B3GNT2: variants seen among roughly 807,000 people sequenced by gnomAD.
B3GNT2 encodes the protein N-acetyllactosaminide beta-1,3-N-acetylglucosaminyltransferase 2.
In B3GNT2, 12 loss-of-function variants were observed where a neutral mutation model predicts 27.6. That is an observed-to-expected ratio of 0.44 (90% CI 0.28 to 0.71). B3GNT2 has a LOEUF of 0.71. Among genes scored for constraint, B3GNT2 ranks in the 30% least tolerant of loss-of-function variants. B3GNT2 has a pLI of 0.17. For synonymous variants in B3GNT2, 192 were observed against 189.7 expected (o/e 1.01, Z -0.10); for missense variants, 413 against 488.5 (o/e 0.85, Z 1.46).
rs1424306358 is a variant in B3GNT2, at chr2:62,222,374, T to A, written c.154T>A (p.Ser52Thr). Residue 52 changes from serine to threonine, a missense_variant, in exon 2 of 2, where the codon TCT becomes ACT. By Grantham distance (58) the Ser-to-Thr change is moderately conservative. Transcript: ENST00000301998. The surrounding 1 kb of genome is among the most constrained non-coding windows in gnomAD (Gnocchi z 4.2). Reference sequence around the variant, plus strand: ...ACCCAAAGAGAAGTTCTGGAAGATATCTACCCCTCCCGAGGCATACTGGAA... The same window carrying A: ...ACCCAAAGAGAAGTTCTGGAAGATAACTACCCCTCCCGAGGCATACTGGAA... Reference protein sequence around the residue: ...IIPKEKFWKISTPPEAYWNRE... With the variant: ...IIPKEKFWKITTPPEAYWNRE... The A allele has an allele frequency of 1.9e-6, 3 of 1,613,974 alleles. No individual in the cohort carries two copies. In the East Asian group the frequency reaches 6.7e-5, roughly 36 times the overall value.
intron 1 of B3GNT2, among the ~76,000 whole-genome samples, chr2:62,202,243 T>C (rs1218614780): frequency 1.3e-5 from 2 of 152,152 alleles, no homozygotes; most frequent in Non-Finnish European, 2.9e-5. Flanking sequence ...GTAAGCCAAT[T>C]ATGTGTTGGA....
rs1217642451 is a variant in B3GNT2, at chr2:62,223,295, G to A, written c.1075G>A (p.Glu359Lys). 8 of 1,614,114 alleles carry A rather than the reference G, an allele frequency of 5.0e-6. No homozygotes were observed. Among genetic ancestry groups the A allele is most frequent in the South Asian group, 2.2e-5 (2 of 91,078 alleles). ...CAAAGGCTTCAGGACATTTGATATC[G>A]AGGAGAAAAACAAAAATAACATCTG... ...KHKGFRTFDI[E>K]EKNKNNICSY... Residue 359 changes from glutamate to lysine, a missense_variant, in exon 2 of 2, where the codon GAG (glutamate) becomes AAG (lysine). Glu to Lys is a moderately conservative substitution (Grantham distance 56, BLOSUM62 1). Coordinates refer to ENST00000301998, the MANE Select transcript of B3GNT2 (RefSeq NM_006577.6).
At chr2:62,207,400 C>A (rs568002394) in intron 1 of B3GNT2, among the ~76,000 whole-genome samples, 5 of 152,054 alleles carry the variant, frequency 3.3e-5, no homozygotes, top group South Asian at 2.1e-4. Flanking sequence ...GTTAGACTTA[C>A]GGTTCTTGAG....
chr2:62,200,439 C>T (rs1674244747), intron 1 of B3GNT2, among the ~76,000 whole-genome samples: 1 of 152,002 alleles, frequency 6.6e-6, no homozygotes, highest in South Asian at 2.1e-4. Context: ...CGTAGCTTAC[C>T]AGAATGTTTG....
chr2:62,220,081 T>TTTTAGG lies in B3GNT2; in HGVS notation c.-9-2126_-9-2125insGTTTAG, dbSNP rs1674660350. Among the ~76,000 whole-genome samples, 3 of 152,270 alleles carry TTTTAGG rather than the reference T, an allele frequency of 2.0e-5. 1 individual carries two copies. The South Asian group carries it at 6.2e-4, about 32-fold the overall frequency. ...CGGGATTATAAAAACTGTGCTTACA[T>TTTTAGG]TTTAGCAGAATTCAGGCCCCTCTCA... On this transcript the variant is annotated intron_variant, in intron 1 of 1. Transcript: ENST00000301998.
intron 1 of B3GNT2, among the ~76,000 whole-genome samples, chr2:62,202,519 T>C (rs1202073174): frequency 3.3e-5 from 5 of 152,148 alleles, no homozygotes; most frequent in East Asian, 1.9e-4. Context: ...TTAATAGTTA[T>C]GGAGGTAGTG....
At chr2:62,203,902 G>C (rs1047867572) in intron 1 of B3GNT2, among the ~76,000 whole-genome samples, 1 of 152,272 alleles carries the variant, frequency 6.6e-6, no homozygotes, top group African/African-American at 2.4e-5. Context: ...CTGCAGAATC[G>C]CATGAAACCT....
Position 62,222,090 on chromosome 2 carries a change from G to C in B3GNT2, c.-9-122G>C. The C allele has an allele frequency of 1.2e-6, 1 of 866,840 alleles. No individual in the cohort carries two copies. The highest frequency in any genetic ancestry group is 1.7e-6 in the Non-Finnish European group (1 of 571,630). 53.7% of individuals were successfully genotyped at this position (866,840 alleles called of 1,614,324 possible). A position where few individuals can be genotyped will look rare whatever the true frequency, so the allele number is the denominator to read the frequency against. On this transcript the variant is annotated intron_variant, in intron 1 of 1. Coordinates refer to ENST00000301998, the MANE Select transcript of B3GNT2 (RefSeq NM_006577.6). This position sits in a 1 kb window ranked among gnomAD's most constrained non-coding sequence, Gnocchi z 4.2. ...AAGGAAGGGCCAAGATTTGAACCTA[G>C]GCAGTGCAAGTGTAGAGTCTTTGCT...
chr2:62,216,060 G>T (rs949084845), intron 1 of B3GNT2, among the ~76,000 whole-genome samples: 3 of 152,126 alleles, frequency 2.0e-5, no homozygotes, highest in Non-Finnish European at 2.9e-5. Flanking sequence ...AGCCCATGGC[G>T]GGGGAGTCAG....
At chr2:62,216,338 G>C (rs574313526) in intron 1 of B3GNT2, among the ~76,000 whole-genome samples, 1 of 152,110 alleles carries the variant, frequency 6.6e-6, no homozygotes, top group East Asian at 1.9e-4. Context: ...CCAGCTGAAG[G>C]TCATCTCATG....
intron 1 of B3GNT2, chr2:62,221,804 G>A (rs773860385): frequency 1.2e-5 from 6 of 514,744 alleles, no homozygotes; most frequent in South Asian, 7.1e-5. Flanking sequence ...TAGGCAAATC[G>A]GTTTGCCAAG....
chr2:62,208,567 A>G (rs375737844), intron 1 of B3GNT2, among the ~76,000 whole-genome samples: 16 of 152,134 alleles, frequency 1.1e-4, no homozygotes, highest in East Asian at 3.8e-4. Flanking sequence ...GAATTGGTAG[A>G]TGCTTAGGAT....
chr2:62,222,792 A>G lies in B3GNT2; in HGVS notation c.572A>G (p.His191Arg). The change falls in exon 2 of 2, where the codon CAC becomes CGC. Residue 191 changes from histidine (H) to arginine (R), a missense_variant. Coordinates refer to ENST00000301998, the MANE Select transcript of B3GNT2 (RefSeq NM_006577.6). The surrounding 1 kb of genome is among the most constrained non-coding windows in gnomAD (Gnocchi z 4.2). ...GGCCAGACACCCCCAGAGGACAACCACCCCGACCTTTCAGATATGCTGAAA... is the reference window on the plus strand; with the variant it reads ...GGCCAGACACCCCCAGAGGACAACCGCCCCGACCTTTCAGATATGCTGAAA... ...LLGQTPPEDN[H>R]PDLSDMLKFE... is the part of the protein sequence containing the mutation. 1.9e-6 allele frequency: 3 copies of G among 1,614,088 alleles called. No homozygotes were observed. The highest frequency in any genetic ancestry group is 2.5e-6 in the Non-Finnish European group (3 of 1,180,030).
At chr2:62,215,046 T>G (rs933866980) in intron 1 of B3GNT2, among the ~76,000 whole-genome samples, 2 of 152,158 alleles carry the variant, frequency 1.3e-5, no homozygotes, top group Non-Finnish European at 2.9e-5. Flanking sequence ...CTAATTTGAT[T>G]TGAAATGATG....
At position 62,202,105 on chromosome 2, in the gene B3GNT2, G is replaced by C. The variant is rs141834525; in HGVS notation, c.-10+5750G>C. ...TGGTGAAGTGAGCAGTTTGTTCTCC[G>C]ACCAAACACGCATTGATTGAGCACT... is the stretch of plus-strand genomic sequence containing the variant. On this transcript the variant is annotated intron_variant, in intron 1 of 1. Coordinates refer to ENST00000301998, the MANE Select transcript of B3GNT2 (RefSeq NM_006577.6). Among the ~76,000 whole-genome samples, 839 of 152,278 alleles carry C rather than the reference G, an allele frequency of 5.5e-3. 6 individuals carry two copies. Among genetic ancestry groups the C allele is most frequent in the Middle Eastern group, 0.017 (5 of 294 alleles).
At chr2:62,199,801 C>T (rs562114953) in intron 1 of B3GNT2, among the ~76,000 whole-genome samples, 36 of 152,228 alleles carry the variant, frequency 2.4e-4, no homozygotes. Flanking sequence ...GCTGTTCCTA[C>T]GTACTTGCCA....
Position 62,222,582 on chromosome 2 carries a change from T to A in B3GNT2, c.362T>A (p.Leu121Gln), listed in dbSNP as rs199523056. The A allele has an allele frequency of 6.2e-7, 1 of 1,614,206 alleles. No homozygotes were observed. The highest frequency in any genetic ancestry group is 2.2e-5 in the East Asian group (1 of 44,892). The stretch of plus-strand genomic sequence containing the variant: ...CCGGACAGATTTAAAGACTTTCTGC[T>A]GTATTTGAGATGCCGCAATTATTCA... ...NLPDRFKDFL[L>Q]YLRCRNYSLL... The change falls in exon 2 of 2, where the codon CTG (leucine) becomes CAG (glutamine). Residue 121 changes from leucine to glutamine, a missense_variant. By Grantham distance (113) the Leu-to-Gln change is moderately radical. Coordinates refer to ENST00000301998, the MANE Select transcript of B3GNT2 (RefSeq NM_006577.6). The surrounding 1 kb of genome is among the most constrained non-coding windows in gnomAD (Gnocchi z 4.2).
rs1379758844 is a variant in B3GNT2 at position 62,211,488 on chromosome 2, T to G, written c.-9-10724T>G. 3.3e-5 allele frequency among the ~76,000 whole-genome samples: 5 copies of G among 152,204 alleles called. No individual in the cohort carries two copies. The East Asian group carries it at 9.6e-4, about 29-fold the overall frequency. ...AATCTGCTTTAGAGAAATTAAGTCT[T>G]CGGGACAACAAAACCAACTAAAGTT... On this transcript the variant is annotated intron_variant, in intron 1 of 1. Coordinates refer to ENST00000301998, the MANE Select transcript of B3GNT2 (RefSeq NM_006577.6).
chr2:62,200,700 G>A (rs1203658183), intron 1 of B3GNT2, among the ~76,000 whole-genome samples: 5 of 152,170 alleles, frequency 3.3e-5, no homozygotes, highest in Non-Finnish European at 7.3e-5. Flanking sequence ...TGTCTTGTCC[G>A]TGTTCCCACC....
Sources: allele counts gnomAD v4.1 joint callset (sites outside exome capture counted in the v4.1 genomes callset), GRCh38; gene constraint gnomAD v4.1.1; non-coding constraint Gnocchi (gnomAD v3.1); transcripts MANE v1.5; gene names NCBI Gene and HGNC (gene_info 2026-07-23, HGNC 2026-07-21).